SRCIN1: variants seen among roughly 807,000 people sequenced by gnomAD.
SRCIN1 encodes the protein SRC kinase signaling inhibitor 1.
Under a neutral mutation model 116.2 loss-of-function variants are expected in SRCIN1, and 50 were observed. That is an observed-to-expected ratio of 0.43 (90% CI 0.34 to 0.54). SRCIN1 has a LOEUF of 0.54. Ranked by LOEUF, SRCIN1 falls within the 20% of genes least tolerant of loss-of-function variation. SRCIN1 has a pLI of 0.02. For missense variants in SRCIN1, 1,446 were observed against 1,672.0 expected, an observed-to-expected ratio of 0.86 and a Z score of 2.36; for synonymous variants, 736 against 750.0, an observed-to-expected ratio of 0.98 and a Z score of 0.30.
intron 1 of SRCIN1, among the ~76,000 whole-genome samples, chr17:38,595,235 C>T (rs929045380): frequency 2.4e-4 from 36 of 152,146 alleles, no homozygotes; most frequent in African/African-American, 8.4e-4. Flanking sequence ...GCCCCGACCC[C>T]GAGATGGAGT....
intron 18 of SRCIN1, 95 bp downstream of exon 18, chr17:38,543,728 T>C (rs1904892947): frequency 1.3e-6 from 2 of 1,493,326 alleles, no homozygotes; most frequent in Admixed American, 2.1e-5. Flanking sequence ...TTGGGAAAGC[T>C]GGTCACGGGA....
Position 38,558,249 on chromosome 17 carries a change from C to G in SRCIN1, c.2179G>C (p.Glu727Gln). ...EERLRYLNDEELITQQLNDLE... is the reference protein window; with the variant it reads ...EERLRYLNDEQLITQQLNDLE... ...CACTTGAGCTGCTGGGTAATAAGCT[C>G]CTCGTCGTTGAGATAGCGCAGCCGT... Residue 727 changes from glutamate to glutamine, a missense_variant, in exon 11 of 19, where the codon GAG (glutamate) becomes CAG (glutamine). Glu to Gln is a conservative substitution (Grantham distance 29). Coordinates refer to ENST00000617146, the MANE Select transcript of SRCIN1 (RefSeq NM_025248.3). The surrounding 1 kb of genome is among the most constrained non-coding windows in gnomAD (Gnocchi z 4.6). The G allele has an allele frequency of 6.2e-7, 1 of 1,613,020 alleles. No individual in the cohort carries two copies. The highest frequency in any genetic ancestry group is 2.2e-5 in the East Asian group (1 of 44,862).
Position 38,562,876 on chromosome 17 carries a change from G to A in SRCIN1, c.785C>T (p.Pro262Leu). 1 of 1,613,782 alleles carries A rather than the reference G, an allele frequency of 6.2e-7. No individual in the cohort carries two copies. Among genetic ancestry groups the A allele is most frequent in the Non-Finnish European group, 8.5e-7 (1 of 1,179,816 alleles). The part of the protein sequence containing the change: ...RSIIKIYRKE[P>L]LYAAFPGSHL... ...TGAGCCAGGGAAGGCAGCGTAGAGGGGCTCCTTTCTGTAGATCTTGATAAT... is the reference window on the plus strand; with the variant it reads ...TGAGCCAGGGAAGGCAGCGTAGAGGAGCTCCTTTCTGTAGATCTTGATAAT... Residue 262 changes from proline (P) to leucine (L), a missense_variant, in exon 6 of 19, where the codon CCC (proline) becomes CTC (leucine). Coordinates refer to ENST00000617146, the MANE Select transcript of SRCIN1 (RefSeq NM_025248.3). The surrounding 1 kb of genome is among the most constrained non-coding windows in gnomAD (Gnocchi z 4.2).
At position 38,564,209 on chromosome 17, in the gene SRCIN1, G is replaced by A. The variant is rs771845843; in HGVS notation, c.450C>T (p.Ala150=). The change falls in exon 4 of 19, where the codon GCC becomes GCT. Residue 150 remains alanine, a synonymous_variant. Transcript: ENST00000617146. ...SAESLETMSE[A]ELPLGFSRMN... ...TCCTGCTGAAGCCCAGGGGCAGCTC[G>A]GCCTCCGACATGGTCTCCAGCGACT... 3 of 1,585,252 alleles carry A rather than the reference G, an allele frequency of 1.9e-6. No individual in the cohort carries two copies. The highest frequency in any genetic ancestry group is 4.6e-5 in the East Asian group (2 of 43,396).
At chr17:38,600,505 G>GC (rs1908960857) in intron 1 of SRCIN1, among the ~76,000 whole-genome samples, 1 of 152,228 alleles carries the variant, frequency 6.6e-6, no homozygotes, top group Non-Finnish European at 1.5e-5. Flanking sequence ...CATCTCTGAG[G>GC]CCCAGGTTTC....
intron 1 of SRCIN1, among the ~76,000 whole-genome samples, chr17:38,605,326 TCC>T (rs1227576498): frequency 3.2e-5 from 2 of 61,834 alleles, no homozygotes; most frequent in Non-Finnish European, 6.2e-5. Flanking sequence ...TCACCATCCA[TCC>T]CCCTTCTTCT....
chr17:38,589,216 A>G (rs1168439161), intron 1 of SRCIN1, among the ~76,000 whole-genome samples: 1 of 152,212 alleles, frequency 6.6e-6, no homozygotes, highest in African/African-American at 2.4e-5. Context: ...GTGCCCAGCC[A>G]TGATAACCAC....
At chr17:38,594,182 G>A (rs369408454) in intron 1 of SRCIN1, among the ~76,000 whole-genome samples, 13 of 152,198 alleles carry the variant, frequency 8.5e-5, no homozygotes, top group Non-Finnish European at 1.2e-4. Context: ...GGTAACTCAC[G>A]CGAGCAAGGA....
chr17:38,537,530 G>A (rs1904463066), intron 18 of SRCIN1, among the ~76,000 whole-genome samples: 1 of 152,090 alleles, frequency 6.6e-6, no homozygotes, highest in Admixed American at 6.6e-5. Context: ...TGTGGCTCAT[G>A]CCTGTAATCC....
chr17:38,578,118 T>TGGACTCTCAGGCACAGAACAACA (rs1252488411), intron 2 of SRCIN1, among the ~76,000 whole-genome samples: 2 of 152,164 alleles, frequency 1.3e-5, no homozygotes, highest in Non-Finnish European at 2.9e-5. Flanking sequence ...CACCACAGGA[T>TGGACTCTCAGGCACAGAACAACA]GGACTCTCAG....
chr17:38,576,147 G>C (rs965383621), intron 2 of SRCIN1, among the ~76,000 whole-genome samples: 1 of 152,034 alleles, frequency 6.6e-6, no homozygotes, highest in African/African-American at 2.4e-5. Context: ...GCTACCCCTG[G>C]AAGCTCCACC....
In SRCIN1 at chr17:38,552,315, C is replaced by T. The variant is rs752580841; in HGVS notation, c.2480+132G>A. On this transcript the variant is annotated intron_variant, in intron 13 of 18. Transcript: ENST00000617146. The surrounding 1 kb of genome is among the most constrained non-coding windows in gnomAD (Gnocchi z 5.3). ...TCTACAGCATGCAGGGGTCACAGGG[C>T]AGAGCTGAGGTGCCAGTCCAGTCGG... is the stretch of plus-strand genomic sequence containing the variant. 6.3e-6 allele frequency: 9 copies of T among 1,426,306 alleles called. No individual in the cohort carries two copies. Among genetic ancestry groups the T allele is most frequent in the Non-Finnish European group, 8.4e-6 (9 of 1,071,540 alleles). 88.4% of individuals were successfully genotyped at this position (1,426,306 alleles called of 1,614,324 possible).
At chr17:38,543,149 G>A (rs1283072888) in intron 18 of SRCIN1, 2 of 456,622 alleles carry the variant, frequency 4.4e-6, no homozygotes, top group Admixed American at 2.3e-5. Context: ...GAAAGAGATT[G>A]CGGCATCCCT....
In SRCIN1 at chr17:38,604,533, G is replaced by A. The variant is rs933849041; in HGVS notation, c.22+1151C>T. On this transcript the variant is annotated intron_variant, in intron 1 of 18. Transcript: ENST00000617146. The surrounding 1 kb of genome is among the most constrained non-coding windows in gnomAD (Gnocchi z 4.3). ...GGTCCAGCCTCCTCCCTGGGAGAGC[G>A]GGCTCTGCCCTCCGCCGTCCTCTCC... 2 of 455,188 alleles carry A rather than the reference G, an allele frequency of 4.4e-6. No individual in the cohort carries two copies. Among genetic ancestry groups the A allele is most frequent in the Admixed American group, 4.7e-5 (2 of 42,502 alleles). 28.2% of individuals were successfully genotyped at this position (455,188 alleles called of 1,614,324 possible).
chr17:38,606,277 G>C (rs1390751212), upstream of SRCIN1, among the ~76,000 whole-genome samples: 3 of 151,798 alleles, frequency 2.0e-5, no homozygotes, highest in Non-Finnish European at 2.9e-5. This position sits in a 1 kb window ranked among gnomAD's most constrained non-coding sequence, Gnocchi z 5.2. Context: ...GGGACACTTG[G>C]AGGGTGGAGG....
chr17:38,559,946 G>T, intron 9 of SRCIN1, 108 bp downstream of exon 9: 1 of 1,353,124 alleles, frequency 7.4e-7, no homozygotes, highest in East Asian at 2.5e-5. Context: ...CCAGGAAAAA[G>T]ACCTCTTGGG....
intron 1 of SRCIN1, among the ~76,000 whole-genome samples, chr17:38,580,440 C>G (rs1052557078): frequency 6.6e-6 from 1 of 152,186 alleles, no homozygotes; most frequent in Non-Finnish European, 1.5e-5. Flanking sequence ...CAGGGCCTGA[C>G]CACCTGCCTC....
At chr17:38,592,115 C>T (rs1292706573) in intron 1 of SRCIN1, among the ~76,000 whole-genome samples, 1 of 152,222 alleles carries the variant, frequency 6.6e-6, no homozygotes, top group Non-Finnish European at 1.5e-5. Context: ...GAGGCTCCCC[C>T]ACCCTCAGCT....
intron 2 of SRCIN1, among the ~76,000 whole-genome samples, chr17:38,575,529 G>A (rs114529503): frequency 0.012 from 1,874 of 152,276 alleles, 38 homozygotes; most frequent in African/African-American, 0.043. Flanking sequence ...AATTACAGGC[G>A]TGAGCCACTG....
Sources: gnomAD v4.1 joint callset for allele counts (sites outside exome capture counted in the v4.1 genomes callset) on GRCh38, gnomAD v4.1.1 for gene constraint, Gnocchi (gnomAD v3.1) non-coding constraint, MANE v1.5 for transcripts, NCBI Gene and HGNC (gene_info 2026-07-23, HGNC 2026-07-21) for gene names.